Variants in SH3D19 observed in about 807,000 individuals in gnomAD.
SH3D19 encodes the protein SH3 domain containing 19, also known as SH3 domain-containing protein 19.
Under a neutral mutation model 112.1 loss-of-function variants are expected in SH3D19, and 58 were observed. The ratio of observed to expected loss-of-function variants is 0.52; its 90% CI spans 0.42 to 0.64. The LOEUF is 0.64. Among genes scored for constraint, SH3D19 ranks in the 30% least tolerant of loss-of-function variants. The pLI is 0.00. For missense variants in SH3D19, 1,090 were observed against 1,263.4 expected (o/e 0.86, Z 2.08); for synonymous variants, 391 against 448.5 (o/e 0.87, Z 1.62).
intron 1 of SH3D19, among the ~76,000 whole-genome samples, chr4:151,231,867 G>T (rs902799483): frequency 2.0e-5 from 3 of 152,162 alleles, no homozygotes; most frequent in African/African-American, 7.2e-5. Context: ...ATTGGAGATG[G>T]AAAGGAAGTT....
At chr4:151,254,612 A>G (rs1314457393) in intron 1 of SH3D19, among the ~76,000 whole-genome samples, 2 of 149,350 alleles carry the variant, frequency 1.3e-5, no homozygotes, top group Non-Finnish European at 3.0e-5. Flanking sequence ...GACACAGCAC[A>G]TGTTTCAGAG....
At chr4:151,165,490 G>A in intron 8 of SH3D19, 99 bp downstream of exon 8, 1 of 910,874 alleles carries the variant, frequency 1.1e-6, no homozygotes, top group Non-Finnish European at 1.7e-6. Context: ...ACTATGAATG[G>A]CAGATTATAC....
At chr4:151,208,011 T>C (rs1765358596) in intron 2 of SH3D19, among the ~76,000 whole-genome samples, 1 of 152,224 alleles carries the variant, frequency 6.6e-6, no homozygotes, top group South Asian at 2.1e-4. Flanking sequence ...TGATAATCAA[T>C]TTGATGTGTC....
intron 1 of SH3D19, among the ~76,000 whole-genome samples, chr4:151,233,664 A>G (rs1441345335): frequency 1.3e-5 from 2 of 152,188 alleles, no homozygotes; most frequent in African/African-American, 4.8e-5. Context: ...CTCCTTTGCC[A>G]TGGAAATGTG....
intron 11 of SH3D19, among the ~76,000 whole-genome samples, 177 bp downstream of exon 11, chr4:151,147,745 G>A (rs561828813): frequency 9.8e-5 from 15 of 152,312 alleles, no homozygotes; most frequent in African/African-American, 3.6e-4. Context: ...TTATAGGTGT[G>A]AGCCACTGTG....
At chr4:151,314,658 C>T (rs6815197) in intron 1 of SH3D19, among the ~76,000 whole-genome samples, 82,069 of 152,022 alleles carry the variant, frequency 0.54, 22,646 homozygotes, top group African/African-American at 0.65. Flanking sequence ...CAGCTGCCAG[C>T]TGAGGCCTAT....
intron 1 of SH3D19, among the ~76,000 whole-genome samples, chr4:151,267,791 C>T (rs1239584076): frequency 1.3e-5 from 2 of 151,964 alleles, no homozygotes; most frequent in Non-Finnish European, 2.9e-5. Context: ...ATAACCAGTC[C>T]CCCCTGTAAA....
chr4:151,293,764 T>C (rs912871640), intron 1 of SH3D19, among the ~76,000 whole-genome samples: 18 of 152,198 alleles, frequency 1.2e-4, no homozygotes, highest in African/African-American at 4.1e-4. Context: ...AATCCCTTAT[T>C]GTGGCCTACA....
At chr4:151,260,174 T>C (rs908699525) in intron 1 of SH3D19, among the ~76,000 whole-genome samples, 11 of 152,236 alleles carry the variant, frequency 7.2e-5, no homozygotes, top group African/African-American at 2.7e-4. Flanking sequence ...TCTTAAGGTA[T>C]CCATCACCCA....
At chr4:151,271,656 G>A (rs10016704) in intron 1 of SH3D19, among the ~76,000 whole-genome samples, 52,651 of 151,992 alleles carry the variant, frequency 0.35, 10,301 homozygotes, top group Non-Finnish European at 0.46. Context: ...CTGGTCAATA[G>A]GTACCATCAA....
rs746061164 is a variant in SH3D19, at chr4:151,128,288, T to G, written c.2811A>C (p.Leu937Phe). Residue 937 changes from leucine to phenylalanine, a missense_variant, in exon 18 of 20, where the codon TTA becomes TTC. By Grantham distance (22) the Leu-to-Phe change is conservative. Coordinates refer to ENST00000604030, the MANE Select transcript of SH3D19 (RefSeq NM_001378122.1). ...HSFTAETSDDLSFKRGDRIQI... is the reference protein window; with the variant it reads ...HSFTAETSDDFSFKRGDRIQI... ...GGATCCGGTCTCCCCTCTTGAATGA[T>G]AAGTCATCACTGGTCTCTGCTGTAA... The G allele has an allele frequency of 1.2e-6, 2 of 1,614,166 alleles. No individual in the cohort carries two copies. The highest frequency in any genetic ancestry group is 1.7e-6 in the Non-Finnish European group (2 of 1,180,010).
At chr4:151,147,781 T>A in intron 11 of SH3D19, 141 bp downstream of exon 11, 1 of 1,042,868 alleles carries the variant, frequency 9.6e-7, no homozygotes, top group Non-Finnish European at 1.4e-6. Context: ...GAATTTATTA[T>A]GGCCTACTCA....
intron 1 of SH3D19, among the ~76,000 whole-genome samples, chr4:151,253,350 T>C (rs1230025432): frequency 6.6e-6 from 1 of 152,218 alleles, no homozygotes. Flanking sequence ...CTCAGGTCTC[T>C]GCTCAGAAAT....
chr4:151,280,220 C>CGTAA (rs3056171), intron 1 of SH3D19, among the ~76,000 whole-genome samples: 52,443 of 135,652 alleles, frequency 0.39, 10,182 homozygotes, highest in Non-Finnish European at 0.51. Flanking sequence ...AGATTTTTGT[C>CGTAA]GTGTTTTTGG....
chr4:151,122,854 T>A (rs1262204980), intron 19 of SH3D19, among the ~76,000 whole-genome samples: 2 of 148,530 alleles, frequency 1.3e-5, no homozygotes, highest in Non-Finnish European at 3.0e-5. Flanking sequence ...AGACTTTTTT[T>A]TTTTTTTTTT....
intron 1 of SH3D19, among the ~76,000 whole-genome samples, chr4:151,308,403 C>A (rs1383831675): frequency 3.9e-5 from 6 of 152,182 alleles, no homozygotes; most frequent in Non-Finnish European, 8.8e-5. Context: ...TTCTGAGAAA[C>A]CTTAAGGTAC....
At chr4:151,228,606 T>C (rs1043038078) in intron 1 of SH3D19, among the ~76,000 whole-genome samples, 2 of 152,182 alleles carry the variant, frequency 1.3e-5, no homozygotes, top group Non-Finnish European at 2.9e-5. Flanking sequence ...AGAAATAAAT[T>C]TTTTGGCAAA....
At chr4:151,308,140 A>G (rs1729100535) in intron 1 of SH3D19, among the ~76,000 whole-genome samples, 1 of 152,052 alleles carries the variant, frequency 6.6e-6, no homozygotes, top group African/African-American at 2.4e-5. Flanking sequence ...TCCTGACCTC[A>G]AGTGATCCAC....
chr4:151,174,614 T>C (rs764840748), intron 7 of SH3D19, 56 bp downstream of exon 7: 1 of 1,463,944 alleles, frequency 6.8e-7, no homozygotes, highest in Non-Finnish European at 9.1e-7. Flanking sequence ...GCAAGTGCCA[T>C]TTAAAATACC....
Sources: allele counts gnomAD v4.1 joint callset (sites outside exome capture counted in the v4.1 genomes callset), GRCh38; gene constraint gnomAD v4.1.1; transcripts MANE v1.5; gene names NCBI Gene and HGNC (gene_info 2026-07-23, HGNC 2026-07-21).